Variants in DMTN observed in about 807,000 individuals in gnomAD.
The protein encoded by DMTN is dematin.
In DMTN, 27 loss-of-function variants were observed where a neutral mutation model predicts 59.4. The observed-to-expected ratio is 0.45, with a 90% CI of 0.33 to 0.63. DMTN has a LOEUF of 0.63. Among genes scored for constraint, DMTN ranks in the 20% least tolerant of loss-of-function variants. The probability of loss-of-function intolerance (pLI) is 0.02; values close to 1 mark genes in which losing one functional copy is unlikely to be tolerated. For synonymous variants in DMTN, 221 were observed against 203.7 expected (o/e 1.08, Z -0.72); for missense variants, 451 against 528.9 (o/e 0.85, Z 1.45).
intron 14 of DMTN, 21 bp from the exon 15 acceptor site, chr8:22,081,092 T>TGGGGGGGGGGGGGGCG: frequency 6.5e-7 from 1 of 1,547,316 alleles, no homozygotes; most frequent in Non-Finnish European, 8.9e-7. Context: ...AGCCTAAGAT[T>TGGGGGGGGGGGGGGCG]GCCCCTCCCC....
chr8:22,072,493 C>T (rs1476181853), intron 9 of DMTN, 43 bp downstream of exon 9: 2 of 1,524,580 alleles, frequency 1.3e-6, no homozygotes, highest in Non-Finnish European at 1.8e-6. Context: ...GTGCAGGAGT[C>T]TCGCTCTGTT....
At chr8:22,069,342 G>A (rs1339102192) in intron 5 of DMTN, 77 bp from the exon 6 acceptor site, 1 of 1,249,806 alleles carries the variant, frequency 8.0e-7, no homozygotes, top group Non-Finnish European at 1.1e-6. Context: ...GACAGAGAGG[G>A]TGGTGTGAGC....
chr8:22,066,776 A>C lies in DMTN; in HGVS notation c.-100A>C. On this transcript the variant is annotated 5_prime_UTR_variant, in exon 2 of 16. Transcript: ENST00000358242. The stretch of plus-strand genomic sequence containing the variant: ...ACGCGCCAGCTGCTTTCGCGGCCCC[A>C]AGCGCGCAGCGCCCAGCAGCCGCGC... 1 of 1,307,660 alleles carries C rather than the reference A, an allele frequency of 7.6e-7. No individual in the cohort carries two copies. The highest frequency in any genetic ancestry group is 9.9e-7 in the Non-Finnish European group (1 of 1,006,350). 81.0% of individuals were successfully genotyped at this position (1,307,660 alleles called of 1,614,324 possible).
intron 10 of DMTN, among the ~76,000 whole-genome samples, chr8:22,078,899 C>A (rs933457565): frequency 2.8e-5 from 4 of 144,900 alleles, no homozygotes; most frequent in Admixed American, 7.5e-5. Context: ...CAGGTTCACG[C>A]CATTCTCCTG....
chr8:22,066,914 C>T, intron 2 of DMTN, 21 bp downstream of exon 2: 1 of 1,244,446 alleles, frequency 8.0e-7, no homozygotes, highest in Non-Finnish European at 1.0e-6. Flanking sequence ...CCGCCCCGGG[C>T]CGGGGCCGCC....
In DMTN at chr8:22,069,536, G is replaced by A. The variant is rs368652897; in HGVS notation, c.394+18G>A. On this transcript the variant is annotated intron_variant, in intron 6 of 15. Coordinates refer to ENST00000358242, the MANE Select transcript of DMTN (RefSeq NM_001387751.1). ...CCACCCTGGTAGGTCTTCTCGGCAC[G>A]ACCTCATTGTTTCCTAAGACTTTCT... The A allele has an allele frequency of 7.0e-6, 11 of 1,568,738 alleles. No homozygotes were observed. Among genetic ancestry groups the A allele is most frequent in the African/African-American group, 4.1e-5 (3 of 72,920 alleles).
upstream of DMTN, among the ~76,000 whole-genome samples, chr8:22,049,583 C>T (rs1288962827): frequency 3.3e-5 from 4 of 123,076 alleles, no homozygotes; most frequent in Admixed American, 1.6e-4. Flanking sequence ...CCCCCCCCCG[C>T]CACCCCACCA....
chr8:22,066,717 C>T lies in DMTN; in HGVS notation c.-159C>T. On this transcript the variant is annotated 5_prime_UTR_variant, in exon 2 of 16. Coordinates refer to ENST00000358242, the MANE Select transcript of DMTN (RefSeq NM_001387751.1). The stretch of plus-strand genomic sequence containing the variant: ...CTTCTCCCCGCAGCCTGGAGAGTCA[C>T]CGCCGAGGGATGAGGACGCGCCAGC... 1.3e-6 allele frequency: 1 copy of T among 747,504 alleles called. No individual in the cohort carries two copies. 46.3% of individuals were successfully genotyped at this position (747,504 alleles called of 1,614,324 possible).
chr8:22,070,508 C>A, intron 8 of DMTN, 174 bp downstream of exon 8: 1 of 699,078 alleles, frequency 1.4e-6, no homozygotes, highest in Non-Finnish European at 2.2e-6. Context: ...CTCTGTGTTC[C>A]CATAGCGCTT....
intron 8 of DMTN, among the ~76,000 whole-genome samples, chr8:22,070,714 G>A (rs1452787249): frequency 2.0e-5 from 3 of 152,148 alleles, no homozygotes; most frequent in Non-Finnish European, 2.9e-5. Flanking sequence ...TGGGGTACAG[G>A]TGTAATTGGT....
In DMTN at chr8:22,060,706, T is replaced by C. The variant is rs1338591399; in HGVS notation, c.-172+3570T>C. 6.6e-6 allele frequency among the ~76,000 whole-genome samples: 1 copy of C among 152,326 alleles called. No individual in the cohort carries two copies. The highest frequency in any genetic ancestry group is 1.9e-4 in the East Asian group (1 of 5,180). ...GACCCCAGGAAGCAGACCCAGATGC[T>C]AAAGCGCAAGACCCAGCAGTGGGGT... On this transcript the variant is annotated intron_variant, in intron 1 of 15. Coordinates refer to ENST00000358242, the MANE Select transcript of DMTN (RefSeq NM_001387751.1). This position sits in a 1 kb window ranked among gnomAD's most constrained non-coding sequence, Gnocchi z 5.0.
chr8:22,065,827 CTT>C (rs76626050), intron 1 of DMTN, among the ~76,000 whole-genome samples: 1 of 74,592 alleles, frequency 1.3e-5, no homozygotes, highest in Admixed American at 1.6e-4. Flanking sequence ...AGAGCAAGAC[CTT>C]TTTTTTTTTT....
At chr8:22,064,583 T>TAG (rs1563425425) in intron 1 of DMTN, among the ~76,000 whole-genome samples, 1 of 152,108 alleles carries the variant, frequency 6.6e-6, no homozygotes, top group Non-Finnish European at 1.5e-5. Context: ...CTCAGCCTCC[T>TAG]GAGTAGCTGG....
At chr8:22,052,804 C>A (rs1801484157), upstream of DMTN, among the ~76,000 whole-genome samples, 1 of 152,110 alleles carries the variant, frequency 6.6e-6, no homozygotes, top group Non-Finnish European at 1.5e-5. Flanking sequence ...TGCTTGCAAT[C>A]CTTCTTTAGG....
upstream of DMTN, among the ~76,000 whole-genome samples, chr8:22,051,673 C>A (rs1286922551): frequency 1.3e-5 from 2 of 152,198 alleles, no homozygotes; most frequent in Admixed American, 6.5e-5. Flanking sequence ...GCAACCTCAG[C>A]ATCTCAGCCA....
upstream of DMTN, among the ~76,000 whole-genome samples, chr8:22,049,881 A>G (rs1801166775): frequency 6.6e-6 from 1 of 152,118 alleles, no homozygotes; most frequent in Non-Finnish European, 1.5e-5. Context: ...TAAAAATGAG[A>G]GAGGAAGTGG....
intron 1 of DMTN, among the ~76,000 whole-genome samples, chr8:22,065,819 A>C (rs1810145711): frequency 7.9e-6 from 1 of 126,938 alleles, no homozygotes; most frequent in African/African-American, 2.9e-5. Context: ...TGGGCGACAG[A>C]GCAAGACCTT....
chr8:22,051,890 C>T (rs1801390715), upstream of DMTN, among the ~76,000 whole-genome samples: 1 of 152,230 alleles, frequency 6.6e-6, no homozygotes, highest in South Asian at 2.1e-4. Flanking sequence ...ACTATCCCGG[C>T]CAAACTCCTT....
chr8:22,071,867 C>G (rs576073796), intron 8 of DMTN, among the ~76,000 whole-genome samples: 13 of 152,034 alleles, frequency 8.6e-5, no homozygotes, highest in African/African-American at 3.1e-4. Context: ...GGCGTGAGTC[C>G]CCGCGCCCGG....
Sources: gnomAD v4.1 joint callset for allele counts (sites outside exome capture counted in the v4.1 genomes callset) on GRCh38, gnomAD v4.1.1 for gene constraint, Gnocchi (gnomAD v3.1) non-coding constraint, MANE v1.5 for transcripts, NCBI Gene and HGNC (gene_info 2026-07-23, HGNC 2026-07-21) for gene names.